Variants in EPS15L1 observed in about 807,000 individuals in gnomAD.
EPS15L1 encodes epidermal growth factor receptor substrate 15-like 1.
In EPS15L1, 43 loss-of-function variants were observed where a neutral mutation model predicts 117.1. That is an observed-to-expected ratio of 0.37 (90% CI 0.29 to 0.47). The LOEUF is 0.47. Among genes scored for constraint, EPS15L1 ranks in the 20% least tolerant of loss-of-function variants. The probability of loss-of-function intolerance (pLI) is 0.99; values close to 1 mark genes in which losing one functional copy is unlikely to be tolerated. For missense variants in EPS15L1, 981 were observed against 1,164.0 expected (o/e 0.84, Z 2.29); for synonymous variants, 459 against 470.5 (o/e 0.98, Z 0.32).
In EPS15L1 at chr19:16,425,165, C is replaced by A; in HGVS notation, c.710G>T (p.Arg237Leu). 6.4e-7 allele frequency: 1 copy of A among 1,566,808 alleles called. No individual in the cohort carries two copies. The highest frequency in any genetic ancestry group is 8.7e-7 in the Non-Finnish European group (1 of 1,150,604). Residue 237 changes from arginine (R) to leucine (L), a missense_variant, in exon 9 of 24, where the codon CGC (arginine) becomes CTC (leucine). Physicochemically the swap from Arg to Leu is moderately radical, Grantham distance 102. Around this residue, in one of 5 missense-constraint regions of EPS15L1, gnomAD observed 819 missense variants for 949.0 expected, o/e 0.86. Transcript: ENST00000455140. ...GACGCTGCCGTGGGACGGCGTGGAG[C>A]GGAGGCTGTCTTTTGGTGGGGGGCT... is the stretch of plus-strand genomic sequence containing the variant. ...PASPPPKDSL[R>L]STPSHGSVSS...
chr19:16,400,361 A>AC (rs995490397), intron 16 of EPS15L1, among the ~76,000 whole-genome samples: 6 of 151,018 alleles, frequency 4.0e-5, no homozygotes, highest in African/African-American at 1.5e-4. Flanking sequence ...AAAAACAAAA[A>AC]AAAAAAAAAA....
At chr19:16,428,016 C>T (rs968039507) in intron 8 of EPS15L1, among the ~76,000 whole-genome samples, 7 of 141,806 alleles carry the variant, frequency 4.9e-5, no homozygotes, top group Non-Finnish European at 9.2e-5. Flanking sequence ...TCCTGACCAA[C>T]ATGGTGAAAC....
chr19:16,396,655 G>A lies in EPS15L1; in HGVS notation c.1792-1188C>T, dbSNP rs553420646. On this transcript the variant is annotated intron_variant, in intron 16 of 23. Coordinates refer to ENST00000455140, the MANE Select transcript of EPS15L1 (RefSeq NM_001258374.3). ...AGTGGAAGCAACTCAAATGTCCATC[G>A]ATGAATGAATGGATAAACGGAAAAA... Among the ~76,000 whole-genome samples, 55 of 152,170 alleles carry A rather than the reference G, an allele frequency of 3.6e-4. No homozygotes were observed. The South Asian group carries it at 3.9e-3, about 11-fold the overall frequency.
intron 9 of EPS15L1, among the ~76,000 whole-genome samples, chr19:16,421,816 C>A (rs1046362727): frequency 6.6e-6 from 1 of 152,134 alleles, no homozygotes; most frequent in African/African-American, 2.4e-5. Flanking sequence ...GAAAGACCCT[C>A]CCGAGCACCC....
intron 12 of EPS15L1, among the ~76,000 whole-genome samples, chr19:16,416,978 C>T (rs570387878): frequency 6.6e-6 from 1 of 152,340 alleles, no homozygotes; most frequent in South Asian, 2.1e-4. Flanking sequence ...CTGGAGGCCC[C>T]TTCACACCTT....
intron 5 of EPS15L1, among the ~76,000 whole-genome samples, chr19:16,437,273 G>T (rs571253950): frequency 6.6e-6 from 1 of 152,348 alleles, no homozygotes; most frequent in East Asian, 1.9e-4. Context: ...CACATGTCCA[G>T]AGAGATGAAT....
chr19:16,421,273 C>A (rs760916905), intron 10 of EPS15L1, 46 bp downstream of exon 10: 3 of 1,570,670 alleles, frequency 1.9e-6, no homozygotes, highest in Non-Finnish European at 2.6e-6. Flanking sequence ...ACCCACAGGC[C>A]CCCTGGAGCC....
At chr19:16,392,566 A>G (rs2092489208) in intron 18 of EPS15L1, 126 bp from the exon 19 acceptor site, 1 of 940,736 alleles carries the variant, frequency 1.1e-6, no homozygotes, top group Non-Finnish European at 1.6e-6. Context: ...TAGTGACGGA[A>G]AACAGGATAA....
At position 16,381,258 on chromosome 19, in the gene EPS15L1, C is replaced by T. The variant is rs1346953263; in HGVS notation, c.2247+3871G>A. ...CCTTACACACAAGGAAACTGAGGCA[C>T]ACAAAGGAGGCGCAGCCTGCCCACA... On this transcript the variant is annotated intron_variant, in intron 21 of 23. Coordinates refer to ENST00000455140, the MANE Select transcript of EPS15L1 (RefSeq NM_001258374.3). The surrounding 1 kb of genome is among the most constrained non-coding windows in gnomAD (Gnocchi z 4.2). Among the ~76,000 whole-genome samples the T allele has an allele frequency of 6.6e-6, 1 of 152,256 alleles. No homozygotes were observed. The highest frequency in any genetic ancestry group is 1.5e-5 in the Non-Finnish European group (1 of 68,048).
At chr19:16,452,323 G>A (rs2093153251) in intron 1 of EPS15L1, among the ~76,000 whole-genome samples, 1 of 151,932 alleles carries the variant, frequency 6.6e-6, no homozygotes, top group Admixed American at 6.6e-5. Flanking sequence ...GCAGGCACCT[G>A]GAATCCCAGC....
At chr19:16,437,916 T>C (rs1181688659) in intron 4 of EPS15L1, 51 bp from the exon 5 acceptor site, 6 of 1,391,266 alleles carry the variant, frequency 4.3e-6, no homozygotes, top group South Asian at 1.2e-5. Context: ...CCAGTGAGGG[T>C]AGGGGGAGCT....
intron 22 of EPS15L1, 38 bp downstream of exon 22, chr19:16,377,084 C>T (rs370656858): frequency 1.0e-4 from 158 of 1,566,496 alleles, no homozygotes; most frequent in Non-Finnish European, 1.3e-4. Context: ...CATCCGGCAC[C>T]GGTAGGCGGT....
intron 21 of EPS15L1, among the ~76,000 whole-genome samples, chr19:16,379,874 C>A (rs1175590990): frequency 6.6e-6 from 1 of 151,720 alleles, no homozygotes; most frequent in African/African-American, 2.4e-5. Context: ...AGACTGTAGA[C>A]TAGCCACACC....
intron 22 of EPS15L1, among the ~76,000 whole-genome samples, chr19:16,366,095 C>G (rs1425986598): frequency 6.6e-6 from 1 of 152,190 alleles, no homozygotes; most frequent in Non-Finnish European, 1.5e-5. Flanking sequence ...TAGCAAGATT[C>G]TAGCAGAGGA....
intron 7 of EPS15L1, among the ~76,000 whole-genome samples, chr19:16,432,609 T>C (rs990739537): frequency 1.1e-4 from 14 of 129,380 alleles, no homozygotes; most frequent in African/African-American, 1.5e-4. Flanking sequence ...CAAATACAAA[T>C]ACAAATACAA....
intron 8 of EPS15L1, 100 bp downstream of exon 8, chr19:16,428,602 A>G (rs1053609152): frequency 1.3e-6 from 1 of 780,834 alleles, no homozygotes. Context: ...AGAAAAGAAA[A>G]AAGAAAAGAA....
intron 1 of EPS15L1, among the ~76,000 whole-genome samples, chr19:16,450,130 C>A (rs545328071): frequency 1.6e-4 from 24 of 152,188 alleles, no homozygotes; most frequent in African/African-American, 5.8e-4. Flanking sequence ...GCCTGTGGTC[C>A]CAGCTACTCA....
chr19:16,458,546 G>A (rs986321974), intron 1 of EPS15L1, among the ~76,000 whole-genome samples: 2 of 148,200 alleles, frequency 1.3e-5, no homozygotes, highest in African/African-American at 2.5e-5. Flanking sequence ...ACTGCACCTC[G>A]CACACAGCCA....
chr19:16,403,209 T>C (rs2092619891), intron 15 of EPS15L1, among the ~76,000 whole-genome samples: 1 of 152,102 alleles, frequency 6.6e-6, no homozygotes, highest in African/African-American at 2.4e-5. Context: ...GGGCAACGGC[T>C]GCAGGCCACG....
Sources: gnomAD v4.1 joint callset for allele counts (sites outside exome capture counted in the v4.1 genomes callset) on GRCh38, gnomAD v4.1.1 for gene constraint, gnomAD v4.1.1 regional missense constraint, Gnocchi (gnomAD v3.1) non-coding constraint, MANE v1.5 for transcripts, NCBI Gene and HGNC (gene_info 2026-07-23, HGNC 2026-07-21) for gene names.